Variants in LIPA observed in about 807,000 individuals in gnomAD.
The protein encoded by LIPA is lipase A, lysosomal acid type.
LIPA carries 26 observed loss-of-function variants against 40.6 expected under a neutral mutation model. That is an observed-to-expected ratio of 0.64 (90% CI 0.47 to 0.89). LIPA has a LOEUF of 0.89. LIPA is among the 40% of genes least tolerant of loss of function. LIPA has a pLI of 0.00. For synonymous variants in LIPA, 188 were observed against 168.4 expected (o/e 1.12, Z -0.90); for missense variants, 455 against 479.6 (o/e 0.95, Z 0.48).
intron 1 of LIPA, among the ~76,000 whole-genome samples, chr10:89,317,110 A>AC (rs1400787524): frequency 1.9e-4 from 29 of 152,382 alleles, no homozygotes; most frequent in South Asian, 2.1e-4. Flanking sequence ...GATGGGGAGA[A>AC]ACCAGAGCAG....
At chr10:89,303,195 GGCATTGCCCTTGT>G (rs2133518887) in intron 1 of LIPA, among the ~76,000 whole-genome samples, 1 of 151,980 alleles carries the variant, frequency 6.6e-6, no homozygotes. Context: ...ACTTTCACTG[GGCATTGCCCTTGT>G]GCCCTAAGAC....
chr10:89,224,354 G>A (rs1403509984), intron 6 of LIPA, among the ~76,000 whole-genome samples: 10 of 152,168 alleles, frequency 6.6e-5, no homozygotes, highest in Non-Finnish European at 1.2e-4. Context: ...CCAGCACTTT[G>A]AGAGGCCAAG....
chr10:89,327,425 C>G lies in LIPA; in HGVS notation c.-2+15186G>C, dbSNP rs148337203. Among the ~76,000 whole-genome samples the G allele has an allele frequency of 1.7e-3, 263 of 152,130 alleles. 3 individuals are homozygous for G. The highest frequency in any genetic ancestry group is 5.8e-3 in the African/African-American group (242 of 41,472). ...TATTAGCCGGGCATGGTGGTGGGTG[C>G]CTGTAATCCCAGCTACTCGGGAGGC... On this transcript the variant is annotated intron_variant, in intron 1 of 5. Coordinates refer to the LIPA transcript ENST00000282673.
intron 1 of LIPA, among the ~76,000 whole-genome samples, chr10:89,248,003 G>T (rs926550077): frequency 1.3e-4 from 20 of 151,668 alleles, no homozygotes; most frequent in African/African-American, 4.9e-4. Flanking sequence ...AAGTAGCTGG[G>T]ACAACAGGCA....
rs1296960937 is a variant in LIPA at position 89,214,666 on chromosome 10, T to C, written c.*162A>G. Reference sequence around the variant, plus strand: ...GAAAAAATAGCTAGTATGTTTCTAATTGAAACTAGAGTGAACTGGGCATCT... The same window carrying C: ...GAAAAAATAGCTAGTATGTTTCTAACTGAAACTAGAGTGAACTGGGCATCT... On this transcript the variant is annotated 3_prime_UTR_variant, in exon 10 of 10. Transcript: ENST00000336233. 1.7e-6 allele frequency: 1 copy of C among 605,504 alleles called. No homozygotes were observed. The highest frequency in any genetic ancestry group is 2.8e-5 in the East Asian group (1 of 35,858). The allele number at this position is 605,504 out of a possible 1,614,324, so 37.5% of individuals were successfully genotyped here. A position where few individuals can be genotyped will look rare whatever the true frequency, so the allele number is the denominator to read the frequency against.
chr10:89,290,158 C>T (rs1427368298), intron 1 of LIPA, among the ~76,000 whole-genome samples: 1 of 152,184 alleles, frequency 6.6e-6, no homozygotes, highest in Non-Finnish European at 1.5e-5. Context: ...CCCCCTTGGA[C>T]ACTCTCTAAT....
At chr10:89,371,182 G>A (rs2133597431) in intron 2 of LIPA, among the ~76,000 whole-genome samples, 1 of 152,356 alleles carries the variant, frequency 6.6e-6, no homozygotes, top group Middle Eastern at 3.4e-3. Flanking sequence ...CATACAGACA[G>A]CCTGGATAAG....
rs1250971646 is a variant in LIPA, at chr10:89,214,815, T to TG, written c.*12_*13insC. 6.9e-7 allele frequency: 1 copy of TG among 1,447,500 alleles called. No homozygotes were observed. The highest frequency in any genetic ancestry group is 9.7e-7 in the Non-Finnish European group (1 of 1,028,692). The allele number at this position is 1,447,500 out of a possible 1,614,324, so 89.7% of individuals were successfully genotyped here. On this transcript the variant is annotated 3_prime_UTR_variant, in exon 10 of 10. Coordinates refer to ENST00000336233, the MANE Select transcript of LIPA (RefSeq NM_000235.4). ...AATCATTGACTTGGTGGTACACAGC[T>TG]CAAGTCCAGCTTTCACTGATATTTC...
intron 1 of LIPA, among the ~76,000 whole-genome samples, chr10:89,332,882 T>C (rs1843671486): frequency 6.6e-6 from 1 of 152,160 alleles, no homozygotes; most frequent in African/African-American, 2.4e-5. Context: ...AGAGAGCCCA[T>C]GCTCAGATGC....
chr10:89,402,285 A>G, intron 2 of LIPA: 3 of 1,604,012 alleles, frequency 1.9e-6, no homozygotes, highest in Non-Finnish European at 2.6e-6. Context: ...TTACAGTACA[A>G]ATGGTGATGA....
intron 1 of LIPA, chr10:89,340,013 T>C (rs146293366): frequency 1.9e-6 from 3 of 1,614,060 alleles, no homozygotes; most frequent in Non-Finnish European, 2.5e-6. Context: ...CCTTCAGGCA[T>C]AGGCAGTATT....
chr10:89,253,561 C>T (rs140130228), upstream of LIPA, among the ~76,000 whole-genome samples: 497 of 152,300 alleles, frequency 3.3e-3, 1 homozygote, highest in African/African-American at 0.011. Flanking sequence ...GGTGGGGACA[C>T]AGCCAAACCA....
chr10:89,322,816 A>G (rs1420348309), intron 1 of LIPA, among the ~76,000 whole-genome samples: 1 of 152,194 alleles, frequency 6.6e-6, no homozygotes, highest in Non-Finnish European at 1.5e-5. Context: ...GTCTGAACTC[A>G]GCCAGTGACC....
chr10:89,320,504 C>A (rs1171026850), intron 1 of LIPA, among the ~76,000 whole-genome samples: 8 of 152,176 alleles, frequency 5.3e-5, no homozygotes, highest in South Asian at 2.1e-4. Flanking sequence ...AGGAATCCAA[C>A]TTACAAGGGA....
chr10:89,368,540 G>A (rs1423967932), intron 2 of LIPA, among the ~76,000 whole-genome samples: 3 of 152,086 alleles, frequency 2.0e-5, no homozygotes, highest in Admixed American at 6.5e-5. Context: ...GGATTTCATG[G>A]GCTTACTGCT....
intron 2 of LIPA, among the ~76,000 whole-genome samples, chr10:89,358,242 T>A (rs1844000161): frequency 6.6e-6 from 1 of 152,130 alleles, no homozygotes; most frequent in Non-Finnish European, 1.5e-5. Flanking sequence ...TGAGATAGCA[T>A]CTCATCCTGG....
chr10:89,331,156 TTGTTGTTGTTTTTGTTGTTGC>T (rs549098781), intron 1 of LIPA, among the ~76,000 whole-genome samples: 49 of 151,908 alleles, frequency 3.2e-4, no homozygotes, highest in South Asian at 1.0e-3. Flanking sequence ...ACTTCTCTTG[TTGTTGTTGTTTTTGTTGTTGC>T]TGTTGTTGTT....
At chr10:89,314,351 C>G (rs1843531045) in intron 1 of LIPA, among the ~76,000 whole-genome samples, 1 of 152,204 alleles carries the variant, frequency 6.6e-6, no homozygotes, top group South Asian at 2.1e-4. Flanking sequence ...AAGTTCAAAT[C>G]TGCATGTGTA....
intron 2 of LIPA, among the ~76,000 whole-genome samples, chr10:89,247,275 G>C (rs531548710): frequency 1.7e-4 from 26 of 151,228 alleles, no homozygotes; most frequent in Admixed American, 1.3e-3. Flanking sequence ...GGGAGGCTGA[G>C]GCTCGAGAAT....
Sources: gnomAD v4.1 joint callset for allele counts (sites outside exome capture counted in the v4.1 genomes callset) on GRCh38, gnomAD v4.1.1 for gene constraint, MANE v1.5 for transcripts, NCBI Gene and HGNC (gene_info 2026-07-23, HGNC 2026-07-21) for gene names.